Variants in B3GALT1 observed in about 807,000 individuals in gnomAD.
The protein encoded by B3GALT1 is UDP-Gal:betaGlcNAc beta 1,3-galactosyltransferase, polypeptide 1.
Under a neutral mutation model 23.2 loss-of-function variants are expected in B3GALT1, and 10 were observed. That is an observed-to-expected ratio of 0.43 (90% CI 0.27 to 0.73). B3GALT1 has a LOEUF of 0.73. Among genes scored for constraint, B3GALT1 ranks in the 30% least tolerant of loss-of-function variants. The pLI is 0.21. For synonymous variants in B3GALT1, 156 were observed against 141.5 expected, an observed-to-expected ratio of 1.10 and a Z score of -0.73; for missense variants, 299 against 405.4, an observed-to-expected ratio of 0.74 and a Z score of 2.25.
intron 1 of B3GALT1, among the ~76,000 whole-genome samples, chr2:167,429,096 G>A (rs1012131283): frequency 4.0e-5 from 6 of 151,768 alleles, no homozygotes; most frequent in Admixed American, 2.0e-4. Flanking sequence ...TGGCTAACAC[G>A]GTGAAACCCC....
intron 3 of B3GALT1, among the ~76,000 whole-genome samples, chr2:167,812,156 T>C (rs547638250): frequency 2.0e-5 from 3 of 152,350 alleles, no homozygotes; most frequent in African/African-American, 7.2e-5. Flanking sequence ...AGAGAGCCTG[T>C]GTTAAAATCA....
At position 167,870,299 on chromosome 2, in the gene B3GALT1, A is replaced by T; in HGVS notation, c.*279A>T. ...TCCAAACAACTCTTAGGATTGACGT[A>T]CCGTGCATCTGAGATAAAAATTTGG... On this transcript the variant is annotated 3_prime_UTR_variant, in exon 5 of 5. Coordinates refer to ENST00000392690, the MANE Select transcript of B3GALT1 (RefSeq NM_020981.4). The T allele has an allele frequency of 3.4e-6, 1 of 291,896 alleles. No individual in the cohort carries two copies. The highest frequency in any genetic ancestry group is 6.8e-6 in the Non-Finnish European group (1 of 147,692). 18.1% of individuals were successfully genotyped at this position (291,896 alleles called of 1,614,324 possible).
At chr2:167,710,652 T>A (rs1687033967) in intron 3 of B3GALT1, among the ~76,000 whole-genome samples, 1 of 152,214 alleles carries the variant, frequency 6.6e-6, no homozygotes, top group African/African-American at 2.4e-5. Flanking sequence ...TCACTGGAAT[T>A]TCATCAAGTG....
At chr2:167,635,837 A>C (rs1574181745) in intron 2 of B3GALT1, among the ~76,000 whole-genome samples, 1 of 152,284 alleles carries the variant, frequency 6.6e-6, no homozygotes, top group East Asian at 1.9e-4. Flanking sequence ...AGAATTAGAA[A>C]AAACTACTTT....
In B3GALT1 at chr2:167,761,342, C is replaced by T. The variant is rs539304701; in HGVS notation, c.-351-57330C>T. 5.3e-5 allele frequency among the ~76,000 whole-genome samples: 8 copies of T among 152,040 alleles called. No homozygotes were observed. The East Asian group carries it at 5.8e-4, about 11-fold the overall frequency. On this transcript the variant is annotated intron_variant, in intron 3 of 4. Transcript: ENST00000392690. ...CCTCCCTCGTTGGAGAAATGTCATACGTGAAAAAGGAGTATATTTATAAAA... is the reference window on the plus strand; with the variant it reads ...CCTCCCTCGTTGGAGAAATGTCATATGTGAAAAAGGAGTATATTTATAAAA...
intron 2 of B3GALT1, among the ~76,000 whole-genome samples, chr2:167,627,970 T>C (rs1056683734): frequency 2.0e-5 from 3 of 151,764 alleles, no homozygotes; most frequent in African/African-American, 7.2e-5. Flanking sequence ...GAATGACGTT[T>C]GATGTGCTTA....
At chr2:167,754,991 T>G (rs1273317226) in intron 3 of B3GALT1, among the ~76,000 whole-genome samples, 1 of 152,128 alleles carries the variant, frequency 6.6e-6, no homozygotes, top group Non-Finnish European at 1.5e-5. Flanking sequence ...TTTTGATACG[T>G]GTTTTCATTC....
intron 1 of B3GALT1, among the ~76,000 whole-genome samples, chr2:167,353,373 T>G (rs757043541): frequency 1.7e-4 from 26 of 152,186 alleles, no homozygotes; most frequent in Non-Finnish European, 3.7e-4. Context: ...TTCAAACCCT[T>G]CTGCAAGTTG....
chr2:167,851,050 C>T (rs1316496896), intron 4 of B3GALT1, among the ~76,000 whole-genome samples: 1 of 151,922 alleles, frequency 6.6e-6, no homozygotes, highest in African/African-American at 2.4e-5. Context: ...TCAATAGTGC[C>T]TATATATACT....
At chr2:167,306,973 TATG>T (rs1261634051) in intron 1 of B3GALT1, among the ~76,000 whole-genome samples, 4 of 152,046 alleles carry the variant, frequency 2.6e-5, no homozygotes, top group African/African-American at 9.7e-5. Flanking sequence ...AAAAGGCAAT[TATG>T]ATCATATTTT....
intron 1 of B3GALT1, among the ~76,000 whole-genome samples, chr2:167,475,471 A>AT (rs903632932): frequency 8.0e-4 from 119 of 149,398 alleles, no homozygotes; most frequent in South Asian, 1.7e-3. Context: ...AAGAGAAGAA[A>AT]TTTTTTTTTT....
chr2:167,735,324 A>G (rs553046702), intron 3 of B3GALT1, among the ~76,000 whole-genome samples: 1 of 152,308 alleles, frequency 6.6e-6, no homozygotes, highest in Admixed American at 6.5e-5. Context: ...TTATTAATAT[A>G]TTTCCTAGAT....
intron 4 of B3GALT1, among the ~76,000 whole-genome samples, chr2:167,865,243 TA>T: frequency 6.6e-6 from 1 of 151,888 alleles, no homozygotes; most frequent in Non-Finnish European, 1.5e-5. Context: ...ACCCCATCTC[TA>T]CTAAAAATAC....
intron 4 of B3GALT1, among the ~76,000 whole-genome samples, chr2:167,830,115 G>A (rs1689315956): frequency 6.6e-6 from 1 of 152,168 alleles, no homozygotes; most frequent in Admixed American, 6.5e-5. Context: ...ATTTCTCTCT[G>A]TCGTTCTCGC....
intron 3 of B3GALT1, among the ~76,000 whole-genome samples, chr2:167,776,125 G>A (rs1175256517): frequency 2.6e-5 from 4 of 151,112 alleles, no homozygotes; most frequent in Non-Finnish European, 5.9e-5. Context: ...AGACTTTTCT[G>A]ACCTCTGTAC....
At chr2:167,451,699 A>T (rs996229029) in intron 1 of B3GALT1, among the ~76,000 whole-genome samples, 3 of 152,054 alleles carry the variant, frequency 2.0e-5, no homozygotes, top group African/African-American at 7.2e-5. Flanking sequence ...CTTTCAGGAG[A>T]ACATCAGCTG....
intron 2 of B3GALT1, among the ~76,000 whole-genome samples, chr2:167,493,531 T>A (rs1348653500): frequency 6.6e-6 from 1 of 152,188 alleles, no homozygotes; most frequent in East Asian, 1.9e-4. Context: ...CTTCACAGGG[T>A]ATGGATCTGG....
intron 3 of B3GALT1, among the ~76,000 whole-genome samples, chr2:167,811,548 A>T (rs569501546): frequency 1.3e-5 from 2 of 152,288 alleles, no homozygotes; most frequent in South Asian, 4.1e-4. Context: ...TACTAGGCCT[A>T]TTGCTTGCCA....
At chr2:167,687,845 G>A (rs1220509727) in intron 3 of B3GALT1, among the ~76,000 whole-genome samples, 1 of 151,870 alleles carries the variant, frequency 6.6e-6, no homozygotes, top group Admixed American at 6.6e-5. Flanking sequence ...ATACAAACTA[G>A]TCAGAGCCTT....
Sources: allele counts gnomAD v4.1 joint callset (sites outside exome capture counted in the v4.1 genomes callset), GRCh38; gene constraint gnomAD v4.1.1; transcripts MANE v1.5; gene names NCBI Gene and HGNC (gene_info 2026-07-23, HGNC 2026-07-21).